The following NLGN1 variants were observed in gnomAD, a reference collection of about 807,000 sequenced individuals.
NLGN1 encodes neuroligin 1.
In NLGN1, 12 loss-of-function variants were observed where a neutral mutation model predicts 65.5. That is an observed-to-expected ratio of 0.18 (90% CI 0.12 to 0.30). The LOEUF (loss-of-function observed/expected upper bound fraction) is 0.30, where lower values mean the gene tolerates loss of function less well. Ranked by LOEUF, NLGN1 falls within the 10% of genes least tolerant of loss-of-function variation. The pLI is 1.00. For missense variants in NLGN1, 750 were observed against 1,007.1 expected, an observed-to-expected ratio of 0.74 and a Z score of 3.46; for synonymous variants, 350 against 359.5, an observed-to-expected ratio of 0.97 and a Z score of 0.30.
At chr3:173,702,377 G>A (rs1767358726) in intron 3 of NLGN1, among the ~76,000 whole-genome samples, 1 of 151,512 alleles carries the variant, frequency 6.6e-6, no homozygotes, top group Non-Finnish European at 1.5e-5. Context: ...TACAGACTAG[G>A]CGATCTGTAG....
rs140197684 is a variant in NLGN1, at chr3:173,988,273, A to G, written c.646+180441A>G. 1.6e-4 allele frequency among the ~76,000 whole-genome samples: 24 copies of G among 152,308 alleles called. No homozygotes were observed. The East Asian group carries it at 4.3e-3, about 27-fold the overall frequency. ...CTAAAGCCATTTTACTTGTCTTTAT[A>G]TAAGAAGAGTTACAACAAAAACCAG... On this transcript the variant is annotated intron_variant, in intron 4 of 6. Coordinates refer to ENST00000457714, the Ensembl canonical transcript of NLGN1.
intron 4 of NLGN1, among the ~76,000 whole-genome samples, chr3:174,264,762 A>C (rs1747676697): frequency 6.6e-6 from 1 of 151,760 alleles, no homozygotes; most frequent in Non-Finnish European, 1.5e-5. Context: ...AGGCGCTCTG[A>C]TTTTTAGAGT....
intron 2 of NLGN1, among the ~76,000 whole-genome samples, chr3:173,445,039 C>A (rs1446719447): frequency 6.6e-6 from 1 of 150,966 alleles, no homozygotes; most frequent in Non-Finnish European, 1.5e-5. Context: ...GAGGCCGAGG[C>A]GGGCGGATCA....
intron 3 of NLGN1, among the ~76,000 whole-genome samples, chr3:173,655,845 G>A (rs951929992): frequency 3.9e-5 from 6 of 152,014 alleles, no homozygotes; most frequent in African/African-American, 1.4e-4. Context: ...CCAGTGGATG[G>A]TGTCCAGGTT....
intron 4 of NLGN1, among the ~76,000 whole-genome samples, chr3:174,184,986 A>G (rs1731127538): frequency 1.3e-5 from 2 of 152,096 alleles, no homozygotes; most frequent in South Asian, 2.1e-4. Context: ...GGCAGGAATA[A>G]TAATGCACAG....
intron 4 of NLGN1, among the ~76,000 whole-genome samples, chr3:174,191,703 C>T (rs1160184554): frequency 6.6e-6 from 1 of 152,146 alleles, no homozygotes; most frequent in Non-Finnish European, 1.5e-5. Context: ...CAAAGCACCA[C>T]GAATTGGGAT....
chr3:173,797,699 C>CAAAA (rs758416340), intron 3 of NLGN1, among the ~76,000 whole-genome samples: 2 of 147,212 alleles, frequency 1.4e-5, no homozygotes, highest in African/African-American at 2.5e-5. Context: ...ACAACAACAA[C>CAAAA]AAAAAAAAAC....
chr3:173,442,843 T>C (rs964435690), intron 2 of NLGN1, among the ~76,000 whole-genome samples: 2 of 152,192 alleles, frequency 1.3e-5, no homozygotes, highest in Admixed American at 6.5e-5. Flanking sequence ...TACTTCTGCC[T>C]GATTAATTAT....
intron 3 of NLGN1, among the ~76,000 whole-genome samples, chr3:173,682,938 G>C (rs1252069190): frequency 6.6e-6 from 1 of 152,140 alleles, no homozygotes; most frequent in African/African-American, 2.4e-5. Flanking sequence ...AATGTAAGGA[G>C]TTTACTCCAG....
chr3:173,402,400 T>C (rs924427605), intron 1 of NLGN1, among the ~76,000 whole-genome samples: 2 of 152,180 alleles, frequency 1.3e-5, no homozygotes, highest in Non-Finnish European at 2.9e-5. Flanking sequence ...TGCAAATTTT[T>C]GCTCAACTTT....
intron 4 of NLGN1, among the ~76,000 whole-genome samples, chr3:174,239,155 G>A (rs890805617): frequency 3.3e-5 from 5 of 151,526 alleles, no homozygotes; most frequent in African/African-American, 9.7e-5. Flanking sequence ...TGCAACCTCC[G>A]CCTCCCGGGT....
chr3:173,847,851 G>A (rs1490667138), intron 4 of NLGN1, among the ~76,000 whole-genome samples: 2 of 152,036 alleles, frequency 1.3e-5, no homozygotes, highest in African/African-American at 2.4e-5. Flanking sequence ...TAGCCTGGGC[G>A]ACAGAGTGAA....
At chr3:173,493,959 T>G (rs900856980) in intron 2 of NLGN1, among the ~76,000 whole-genome samples, 1 of 151,818 alleles carries the variant, frequency 6.6e-6, no homozygotes, top group African/African-American at 2.4e-5. Context: ...ATCCTCAGAT[T>G]CAGCGATTAC....
At chr3:174,112,522 G>A (rs953851930) in intron 4 of NLGN1, among the ~76,000 whole-genome samples, 4 of 151,660 alleles carry the variant, frequency 2.6e-5, no homozygotes, top group African/African-American at 9.7e-5. Flanking sequence ...GTGCCATTTC[G>A]GTGATATTTG....
intron 4 of NLGN1, among the ~76,000 whole-genome samples, chr3:174,037,746 C>T (rs931213401): frequency 6.6e-6 from 1 of 152,080 alleles, no homozygotes; most frequent in African/African-American, 2.4e-5. Context: ...GTTTTAGCAC[C>T]TTTTACTTTT....
chr3:174,185,379 C>T (rs1465286434), intron 4 of NLGN1, among the ~76,000 whole-genome samples: 1 of 152,068 alleles, frequency 6.6e-6, no homozygotes, highest in East Asian at 1.9e-4. Context: ...AAACAAGATC[C>T]TCTAGACAAA....
chr3:173,869,349 G>C (rs1169487513), intron 4 of NLGN1, among the ~76,000 whole-genome samples: 1 of 152,080 alleles, frequency 6.6e-6, no homozygotes, highest in Non-Finnish European at 1.5e-5. Context: ...TATTAGTAAA[G>C]AGATCCATCA....
intron 3 of NLGN1, among the ~76,000 whole-genome samples, chr3:173,702,194 C>G (rs1401511343): frequency 4.7e-5 from 7 of 149,262 alleles, no homozygotes; most frequent in South Asian, 2.2e-4. Flanking sequence ...AGCCGAGATC[C>G]CGCCACTGCA....
At chr3:174,101,390 C>A (rs1445074885) in intron 4 of NLGN1, among the ~76,000 whole-genome samples, 2 of 152,108 alleles carry the variant, frequency 1.3e-5, no homozygotes, top group Non-Finnish European at 2.9e-5. Flanking sequence ...TAAACTGGAA[C>A]AGTAGCTTTC....
Sources: gnomAD v4.1 joint callset for allele counts (sites outside exome capture counted in the v4.1 genomes callset) on GRCh38, gnomAD v4.1.1 for gene constraint, MANE v1.5 for transcripts, NCBI Gene and HGNC (gene_info 2026-07-23, HGNC 2026-07-21) for gene names.